CDC37L1: variants seen among roughly 807,000 people sequenced by gnomAD.
The protein encoded by CDC37L1 is cell division cycle 37 like 1, HSP90 cochaperone, also known as hsp90 co-chaperone Cdc37-like 1.
A neutral mutation model predicts 45.9 loss-of-function variants in CDC37L1; 32 were observed. That is an observed-to-expected ratio of 0.70 (90% CI 0.53 to 0.94). The LOEUF is 0.94. Among genes scored for constraint, CDC37L1 ranks in the 40% least tolerant of loss-of-function variants. CDC37L1 has a pLI of 0.00. For synonymous variants in CDC37L1, 150 were observed against 133.0 expected, an observed-to-expected ratio of 1.13 and a Z score of -0.88; for missense variants, 434 against 405.7, an observed-to-expected ratio of 1.07 and a Z score of -0.60.
chr9:4,688,642 T>C (rs761266038), intron 3 of CDC37L1, 36 bp downstream of exon 3: 1 of 1,316,604 alleles, frequency 7.6e-7, no homozygotes, highest in Admixed American at 2.6e-5. Flanking sequence ...CTTTGTAATG[T>C]TTGGTATCAT....
intron 1 of CDC37L1, among the ~76,000 whole-genome samples, chr9:4,680,257 C>T (rs1841177989): frequency 6.6e-6 from 1 of 152,152 alleles, no homozygotes. Context: ...AGAGGTTTTC[C>T]CCAAGCACTT....
In CDC37L1 at chr9:4,684,718, C is replaced by T. The variant is rs115479033; in HGVS notation, c.133-159C>T. Among the ~76,000 whole-genome samples, 199 of 152,230 alleles carry T rather than the reference C, an allele frequency of 1.3e-3. 2 individuals carry two copies. Among genetic ancestry groups the T allele is most frequent in the African/African-American group, 4.7e-3 (194 of 41,542 alleles). On this transcript the variant is annotated intron_variant, in intron 1 of 6. Coordinates refer to ENST00000381854, the MANE Select transcript of CDC37L1 (RefSeq NM_017913.4). ...GAAGTTTAGAAGTTAGTTGATGAAA[C>T]AAGGACTAAGATATAAAAACATGAC...
rs924091869 is a variant in CDC37L1, at chr9:4,679,869, C to G, written c.102C>G (p.Arg34=). The G allele has an allele frequency of 2.5e-6, 4 of 1,613,904 alleles. No homozygotes were observed. The highest frequency in any genetic ancestry group is 2.5e-6 in the Non-Finnish European group (3 of 1,179,958). Residue 34 remains arginine (R), a synonymous_variant, in exon 1 of 7, where the codon CGC becomes CGG. Coordinates refer to ENST00000381854, the MANE Select transcript of CDC37L1 (RefSeq NM_017913.4). ...SDFDVFPSSP[R]CPQLPGGGAQ... ...TCGACGTGTTCCCCAGTTCTCCCCGCTGCCCGCAGCTGCCAGGCGGCGGCG... is the reference window on the plus strand; with the variant it reads ...TCGACGTGTTCCCCAGTTCTCCCCGGTGCCCGCAGCTGCCAGGCGGCGGCG...
Position 4,695,202 on chromosome 9 carries a change from A to G in CDC37L1, c.509-1894A>G, listed in dbSNP as rs557124888. 6.6e-5 allele frequency among the ~76,000 whole-genome samples: 10 copies of G among 152,212 alleles called. No individual in the cohort carries two copies. In the South Asian group the frequency reaches 1.7e-3, roughly 25 times the overall value. ...TCCCAGGAATCATTAGGCTTTTTTA[A>G]GAGATATGGTCTTGCTCTGTCACCC... On this transcript the variant is annotated intron_variant, in intron 3 of 6. Coordinates refer to ENST00000381854, the MANE Select transcript of CDC37L1 (RefSeq NM_017913.4).
chr9:4,697,611 A>G, intron 4 of CDC37L1, 146 bp from the exon 5 acceptor site: 1 of 531,072 alleles, frequency 1.9e-6, no homozygotes, highest in South Asian at 3.0e-5. Context: ...AAAAACTAAG[A>G]TATACTCTTT....
intron 5 of CDC37L1, among the ~76,000 whole-genome samples, chr9:4,700,245 T>G (rs1489670362): frequency 6.6e-6 from 1 of 152,196 alleles, no homozygotes; most frequent in Non-Finnish European, 1.5e-5. Context: ...AGCCTTGAAC[T>G]TCTGGGCTCA....
chr9:4,690,825 A>G (rs1372607251), intron 3 of CDC37L1, among the ~76,000 whole-genome samples: 1 of 152,214 alleles, frequency 6.6e-6, no homozygotes, highest in Non-Finnish European at 1.5e-5. Flanking sequence ...CTGGATCCCC[A>G]GGAATGTTAC....
chr9:4,684,873 C>T lies in CDC37L1; in HGVS notation c.133-4C>T. The T allele has an allele frequency of 6.3e-7, 1 of 1,599,162 alleles. No homozygotes were observed. The highest frequency in any genetic ancestry group is 1.1e-5 in the South Asian group (1 of 90,326). On this transcript the variant is annotated splice_region_variant and splice_polypyrimidine_tract_variant and intron_variant, in intron 1 of 6. Transcript: ENST00000381854. The stretch of plus-strand genomic sequence containing the variant: ...CATTTCTTACAAATATTGTTTTTAT[C>T]CAGATGTATAGCCATGGAATTGAAT...
chr9:4,683,017 AAT>A (rs941932655), intron 1 of CDC37L1, among the ~76,000 whole-genome samples: 9 of 143,004 alleles, frequency 6.3e-5, no homozygotes, highest in Admixed American at 7.1e-5. Context: ...ATATATATTA[AAT>A]ATATATTATA....
At chr9:4,694,780 G>T (rs1327720951) in intron 3 of CDC37L1, among the ~76,000 whole-genome samples, 1 of 152,102 alleles carries the variant, frequency 6.6e-6, no homozygotes, top group African/African-American at 2.4e-5. Flanking sequence ...TGAGGCAGGA[G>T]AATTACTTGA....
rs1841166138 is a variant in CDC37L1 at position 4,679,630 on chromosome 9, C to T, written c.-138C>T. On this transcript the variant is annotated 5_prime_UTR_variant, in exon 1 of 7. Coordinates refer to ENST00000381854, the MANE Select transcript of CDC37L1 (RefSeq NM_017913.4). ...GCCGGGTGTGCAGCGGCGTCGCGGCCAGTAGAGGGATTCTGGGTAACGGCC... is the reference window on the plus strand; with the variant it reads ...GCCGGGTGTGCAGCGGCGTCGCGGCTAGTAGAGGGATTCTGGGTAACGGCC... The T allele has an allele frequency of 2.7e-6, 2 of 733,754 alleles. No homozygotes were observed. The highest frequency in any genetic ancestry group is 1.8e-5 in the African/African-American group (1 of 55,042). 45.5% of individuals were successfully genotyped at this position (733,754 alleles called of 1,614,324 possible). A position where few individuals can be genotyped will look rare whatever the true frequency, so the allele number is the denominator to read the frequency against.
chr9:4,685,038 A>C lies in CDC37L1; in HGVS notation c.294A>C (p.Thr98=), dbSNP rs761929085. The C allele has an allele frequency of 2.2e-5, 36 of 1,614,070 alleles. No individual in the cohort carries two copies. The highest frequency in any genetic ancestry group is 1.0e-4 in the Admixed American group (6 of 60,010). The change falls in exon 2 of 7, where the codon ACA becomes ACC. Residue 98 remains threonine, a synonymous_variant. Coordinates refer to ENST00000381854, the MANE Select transcript of CDC37L1 (RefSeq NM_017913.4). ...ATCAGGAGCATGCCAAAGCACAAAC[A>C]GCAGTATCAGAACTGAGGCAACGGG... is the stretch of plus-strand genomic sequence containing the variant. ...SLDQEHAKAQ[T]AVSELRQREE...
intron 6 of CDC37L1, among the ~76,000 whole-genome samples, chr9:4,704,497 G>C (rs181891672): frequency 6.6e-6 from 1 of 152,210 alleles, no homozygotes; most frequent in South Asian, 2.1e-4. Context: ...TTCTTAGGAA[G>C]ATGGGTGGAT....
rs777951860 is a variant in CDC37L1 at position 4,707,393 on chromosome 9, A to T, written c.*1281A>T. 1.3e-5 allele frequency: 2 copies of T among 152,220 alleles called. No homozygotes were observed. Among genetic ancestry groups the T allele is most frequent in the African/African-American group, 4.8e-5 (2 of 41,454 alleles). 9.4% of individuals were successfully genotyped at this position (152,220 alleles called of 1,614,324 possible). On this transcript the variant is annotated 3_prime_UTR_variant, in exon 7 of 7. Transcript: ENST00000381854. ...TAAGTACCCATTAAGGCTAGTAGCA[A>T]ACACTTGGAAGGTGGCTAACTGGGA...
intron 3 of CDC37L1, among the ~76,000 whole-genome samples, chr9:4,691,427 T>TG (rs1353485398): frequency 3.9e-5 from 6 of 152,234 alleles, no homozygotes; most frequent in Non-Finnish European, 8.8e-5. Flanking sequence ...ATGCGGTATT[T>TG]GGTTTTCTGT....
At chr9:4,682,701 G>C (rs1841206766) in intron 1 of CDC37L1, among the ~76,000 whole-genome samples, 1 of 150,656 alleles carries the variant, frequency 6.6e-6, no homozygotes, top group Admixed American at 6.6e-5. Flanking sequence ...TCGAACTCCT[G>C]ACCTCAGGTA....
At position 4,688,706 on chromosome 9, in the gene CDC37L1, C is replaced by G. The variant is rs1007574487; in HGVS notation, c.508+100C>G. ...AAAAGAGAGCCAAAAAGAAAAGTGG[C>G]AAACTCCAATTTTGTAGCTTCTGGC... is the stretch of plus-strand genomic sequence containing the variant. On this transcript the variant is annotated intron_variant, in intron 3 of 6. Coordinates refer to ENST00000381854, the MANE Select transcript of CDC37L1 (RefSeq NM_017913.4). 49 of 736,028 alleles carry G rather than the reference C, an allele frequency of 6.7e-5. No individual in the cohort carries two copies. The African/African-American group carries it at 7.6e-4, about 11-fold the overall frequency. The allele number at this position is 736,028 out of a possible 1,614,324, so 45.6% of individuals were successfully genotyped here.
rs371422006 is a variant in CDC37L1 at position 4,688,529 on chromosome 9, A to T, written c.431A>T (p.Asp144Val). ...TTTTCTTAGAGTTTTATTAATCAAG[A>T]TAAAAGAAAAGACACAGAAGATGAA... ...DVFNKSFINQDKRKDTEDEDK... is the reference protein window; with the variant it reads ...DVFNKSFINQVKRKDTEDEDK... The change falls in exon 3 of 7, where the codon GAT (aspartate) becomes GTT (valine). Residue 144 changes from aspartate (D) to valine (V), a missense_variant. Coordinates refer to ENST00000381854, the MANE Select transcript of CDC37L1 (RefSeq NM_017913.4). The T allele has an allele frequency of 6.7e-7, 1 of 1,499,906 alleles. No individual in the cohort carries two copies. Among genetic ancestry groups the T allele is most frequent in the South Asian group, 1.3e-5 (1 of 78,258 alleles). The allele number at this position is 1,499,906 out of a possible 1,614,324, so 92.9% of individuals were successfully genotyped here.
In CDC37L1 at chr9:4,697,121, C is replaced by T. The variant is rs773831988; in HGVS notation, c.534C>T (p.Ser178=). Residue 178 remains serine, a synonymous_variant, in exon 4 of 7, where the codon AGC becomes AGT. Transcript: ENST00000381854. ...HFGMLSRWDD[S]QRFLSDHPYL... ...GTATGTTGAGTCGATGGGATGATAG[C>T]CAGAGATTTTTGTCTGACCATCCAT... The T allele has an allele frequency of 6.4e-7, 1 of 1,556,398 alleles. No individual in the cohort carries two copies. Among genetic ancestry groups the T allele is most frequent in the East Asian group, 2.3e-5 (1 of 44,366 alleles).
Sources: allele counts gnomAD v4.1 joint callset (sites outside exome capture counted in the v4.1 genomes callset), GRCh38; gene constraint gnomAD v4.1.1; transcripts MANE v1.5; gene names NCBI Gene and HGNC (gene_info 2026-07-23, HGNC 2026-07-21).